Variants in GREB1 observed in about 807,000 individuals in gnomAD.
The protein encoded by GREB1 is growth regulating estrogen receptor binding 1, also known as protein GREB1.
Under a neutral mutation model 200.7 loss-of-function variants are expected in GREB1, and 106 were observed. The ratio of observed to expected loss-of-function variants is 0.53; its 90% CI spans 0.45 to 0.62. GREB1 has a LOEUF of 0.62. Among genes scored for constraint, GREB1 ranks in the 20% least tolerant of loss-of-function variants. GREB1 has a pLI of 0.00. For missense variants in GREB1, 2,243 were observed against 2,556.8 expected, an observed-to-expected ratio of 0.88 and a Z score of 2.65; for synonymous variants, 1,132 against 1,092.4, an observed-to-expected ratio of 1.04 and a Z score of -0.72.
chr2:11,512,147 G>C (rs1210730733), intron 1 of GREB1, among the ~76,000 whole-genome samples: 1 of 152,228 alleles, frequency 6.6e-6, no homozygotes, highest in African/African-American at 2.4e-5. Context: ...CCATTTTAAA[G>C]TGAACAATTT....
Position 11,638,753 on chromosome 2 carries a change from A to T in GREB1, c.5630A>T (p.Tyr1877Phe). ...TTGCTGTTCAGTGGGCTGCTGCTGTACCTCTGTGACTCTTTTGTGGGAGCT... is the reference window on the plus strand; with the variant it reads ...TTGCTGTTCAGTGGGCTGCTGCTGTTCCTCTGTGACTCTTTTGTGGGAGCT... The part of the protein sequence containing the change: ...SDLLFSGLLL[Y>F]LCDSFVGASF... The change falls in exon 32 of 33, where the codon TAC becomes TTC. Residue 1877 changes from tyrosine (Y) to phenylalanine (F), a missense_variant. Tyr to Phe is a conservative substitution (Grantham distance 22, BLOSUM62 3). This residue lies in a region of GREB1 where 478 missense variants were observed against 616.3 expected (regional missense o/e 0.78). Transcript: ENST00000381486. 6.2e-7 allele frequency: 1 copy of T among 1,614,132 alleles called. No individual in the cohort carries two copies. Among genetic ancestry groups the T allele is most frequent in the Non-Finnish European group, 8.5e-7 (1 of 1,180,002 alleles).
In GREB1 at chr2:11,578,432, G is replaced by C. The variant is rs756391463; in HGVS notation, c.772+1G>C. 41 of 1,613,600 alleles carry C rather than the reference G, an allele frequency of 2.5e-5. No individual in the cohort carries two copies. The highest frequency in any genetic ancestry group is 3.4e-5 in the Non-Finnish European group (40 of 1,179,990). On this transcript the variant is annotated splice_donor_variant, in intron 6 of 32. Transcript: ENST00000381486. LOFTEE classifies it high-confidence loss of function. ...ATCCTGATGGGAGCTCAGCAGGCAGGTGAGGTGGTGGAGACACACCAGAGC... is the reference window on the plus strand; with the variant it reads ...ATCCTGATGGGAGCTCAGCAGGCAGCTGAGGTGGTGGAGACACACCAGAGC...
chr2:11,591,393 C>A, intron 10 of GREB1: 1 of 734,474 alleles, frequency 1.4e-6, no homozygotes. Context: ...CACTTTCTTC[C>A]AGCACATCAA....
chr2:11,517,903 T>C (rs967337831), intron 1 of GREB1, among the ~76,000 whole-genome samples: 10 of 152,208 alleles, frequency 6.6e-5, no homozygotes, highest in Non-Finnish European at 1.3e-4. Context: ...TCCACCTGCC[T>C]TGGCCTCCCA....
intron 1 of GREB1, among the ~76,000 whole-genome samples, chr2:11,516,122 C>T (rs2148460447): frequency 6.6e-6 from 1 of 152,294 alleles, no homozygotes; most frequent in African/African-American, 2.4e-5. Flanking sequence ...CTGTCTCACA[C>T]CCGATCTTTA....
chr2:11,510,173 C>T (rs1673310051), intron 1 of GREB1, among the ~76,000 whole-genome samples: 1 of 152,086 alleles, frequency 6.6e-6, no homozygotes, highest in Non-Finnish European at 1.5e-5. Flanking sequence ...GTATCTTTGT[C>T]CCTGTATATT....
intron 4 of GREB1, among the ~76,000 whole-genome samples, chr2:11,569,279 G>A (rs941343804): frequency 6.6e-6 from 1 of 151,936 alleles, no homozygotes; most frequent in Non-Finnish European, 1.5e-5. Context: ...ATGCATTTAC[G>A]GAATATATAA....
chr2:11,583,752 G>A (rs1400062847), intron 7 of GREB1, among the ~76,000 whole-genome samples: 1 of 152,050 alleles, frequency 6.6e-6, no homozygotes, highest in Non-Finnish European at 1.5e-5. Flanking sequence ...CCAGCTACTC[G>A]GGAGACTGAG....
At chr2:11,596,430 C>T (rs1331167091) in intron 13 of GREB1, among the ~76,000 whole-genome samples, 191 bp downstream of exon 13, 1 of 99,436 alleles carries the variant, frequency 1.0e-5, no homozygotes, top group Non-Finnish European at 2.0e-5. Flanking sequence ...GTGGCAGGGA[C>T]GCAGGTGTGC....
chr2:11,611,715 T>C (rs1046658855), intron 18 of GREB1, among the ~76,000 whole-genome samples: 2 of 152,170 alleles, frequency 1.3e-5, no homozygotes, highest in African/African-American at 2.4e-5. Context: ...CTCTCCCAGA[T>C]GGTGGGGGGC....
At chr2:11,594,148 CT>C (rs1680997942) in intron 11 of GREB1, among the ~76,000 whole-genome samples, 1 of 152,024 alleles carries the variant, frequency 6.6e-6, no homozygotes, top group African/African-American at 2.4e-5. Flanking sequence ...GCTGGAACTA[CT>C]ACAGGTGTGC....
In GREB1 at chr2:11,525,142, C is replaced by T. The variant is rs908371957; in HGVS notation, c.-158-31315C>T. ...ATGCAGCCAAATATGATTATTGATA[C>T]GTGAGGTGCTTCTCTGAACTCATAC... On this transcript the variant is annotated intron_variant, in intron 1 of 2. Coordinates refer to the GREB1 transcript ENST00000628795. 4.6e-5 allele frequency among the ~76,000 whole-genome samples: 7 copies of T among 152,074 alleles called. No homozygotes were observed. The South Asian group carries it at 6.2e-4, about 14-fold the overall frequency.
Position 11,580,881 on chromosome 2 carries a change from C to T in GREB1, c.901+49C>T. On this transcript the variant is annotated intron_variant, in intron 7 of 32. Transcript: ENST00000381486. This position sits in a 1 kb window ranked among gnomAD's most constrained non-coding sequence, Gnocchi z 4.5. ...CCTGGGGATCCTGCTCTTCTTTGGG[C>T]CAAGGCCAGAGGGGGCATGGGAGCT... 6.2e-7 allele frequency: 1 copy of T among 1,612,618 alleles called. No individual in the cohort carries two copies. The highest frequency in any genetic ancestry group is 8.5e-7 in the Non-Finnish European group (1 of 1,178,910).
At chr2:11,500,618 T>C (rs1673010171) in intron 1 of GREB1, among the ~76,000 whole-genome samples, 1 of 152,242 alleles carries the variant, frequency 6.6e-6, no homozygotes, top group African/African-American at 2.4e-5. Context: ...AAAGTATTCT[T>C]ATTGCAGCAA....
Position 11,640,683 on chromosome 2 carries a change from C to T in GREB1, c.*229C>T. 3.7e-6 allele frequency: 2 copies of T among 546,076 alleles called. No homozygotes were observed. The highest frequency in any genetic ancestry group is 5.0e-5 in the South Asian group (2 of 39,882). 33.8% of individuals were successfully genotyped at this position (546,076 alleles called of 1,614,324 possible). A position where few individuals can be genotyped will look rare whatever the true frequency, so the allele number is the denominator to read the frequency against. On this transcript the variant is annotated 3_prime_UTR_variant, in exon 33 of 33. Transcript: ENST00000381486. The surrounding 1 kb of genome is among the most constrained non-coding windows in gnomAD (Gnocchi z 4.6). Reference sequence around the variant, plus strand: ...TTGAGACTCCCAAGTTCTGGGCCAGCCCATTGCTCTGGGCTGTTTTAAAGC... The same window carrying T: ...TTGAGACTCCCAAGTTCTGGGCCAGTCCATTGCTCTGGGCTGTTTTAAAGC...
intron 10 of GREB1, among the ~76,000 whole-genome samples, chr2:11,592,553 C>T (rs1230662868): frequency 6.7e-6 from 1 of 150,244 alleles, no homozygotes; most frequent in Non-Finnish European, 1.5e-5. Context: ...TAAAAAAAAA[C>T]TTTCATATGG....
At chr2:11,554,125 A>G (rs4313952) in intron 1 of GREB1, among the ~76,000 whole-genome samples, 39,823 of 152,018 alleles carry the variant, frequency 0.26, 8,463 homozygotes, top group African/African-American at 0.59. Context: ...AAAGGCAGAC[A>G]AGAGGACCCT....
intron 18 of GREB1, 110 bp downstream of exon 18, chr2:11,611,137 T>G: frequency 2.2e-6 from 2 of 894,738 alleles, no homozygotes; most frequent in Non-Finnish European, 3.4e-6. Context: ...CCAACGTGGC[T>G]TCCCTAGACC....
chr2:11,615,284 A>G lies in GREB1; in HGVS notation c.3316A>G (p.Thr1106Ala). Residue 1106 changes from threonine (T) to alanine (A), a missense_variant, in exon 20 of 33, where the codon ACA becomes GCA. By Grantham distance (58) the Thr-to-Ala change is moderately conservative. Transcript: ENST00000381486. ...AGACAACGAGGATGAGGAGCTGGGG[A>G]CAGAAGGTGAGGGATGGCTGCCCTC... is the stretch of plus-strand genomic sequence containing the variant. The part of the protein sequence containing the change: ...STDNEDEELG[T>A]EGSTSEKRSP... 1 of 1,582,286 alleles carries G rather than the reference A, an allele frequency of 6.3e-7. No individual in the cohort carries two copies. The highest frequency in any genetic ancestry group is 8.6e-7 in the Non-Finnish European group (1 of 1,163,056).
Sources: allele counts gnomAD v4.1 joint callset (sites outside exome capture counted in the v4.1 genomes callset), GRCh38; gene constraint gnomAD v4.1.1; regional missense constraint gnomAD v4.1.1; non-coding constraint Gnocchi (gnomAD v3.1); transcripts MANE v1.5; gene names NCBI Gene and HGNC (gene_info 2026-07-23, HGNC 2026-07-21).